NTRK3: variants seen among roughly 807,000 people sequenced by gnomAD.
The protein encoded by NTRK3 is NT-3 growth factor receptor.
Under a neutral mutation model 91.7 loss-of-function variants are expected in NTRK3, and 24 were observed. The ratio of observed to expected loss-of-function variants is 0.26; its 90% CI spans 0.19 to 0.37. NTRK3 has a LOEUF of 0.37. Among genes scored for constraint, NTRK3 ranks in the 10% least tolerant of loss-of-function variants. The pLI, the probability that NTRK3 is intolerant of heterozygous loss-of-function variation, is 1.00. For missense variants in NTRK3, 880 were observed against 1,068.9 expected (o/e 0.82, Z 2.46); for synonymous variants, 483 against 404.0 (o/e 1.20, Z -2.34).
chr15:88,100,305 G>A lies in NTRK3; in HGVS notation c.1396+25966C>T, dbSNP rs564871952. The stretch of plus-strand genomic sequence containing the variant: ...ATTACAAGTGTGTTATAACCAAACA[G>A]CCAAAAGGACTGATCCTCCCAACAC... On this transcript the variant is annotated intron_variant, in intron 13 of 18. Coordinates refer to ENST00000394480, the Ensembl canonical transcript of NTRK3. Among the ~76,000 whole-genome samples, 10 of 152,300 alleles carry A rather than the reference G, an allele frequency of 6.6e-5. No individual in the cohort carries two copies. In the East Asian group the frequency reaches 1.9e-3, roughly 29 times the overall value.
At chr15:88,167,520 G>A (rs2045091905) in intron 5 of NTRK3, among the ~76,000 whole-genome samples, 1 of 152,246 alleles carries the variant, frequency 6.6e-6, no homozygotes, top group Non-Finnish European at 1.5e-5. Context: ...AAACAGGGAT[G>A]ATGGTAATTG....
At position 87,937,821 on chromosome 15, in the gene NTRK3, C is replaced by A. The variant is rs77027043; in HGVS notation, c.1716+2802G>T. Among the ~76,000 whole-genome samples, 1,357 of 152,088 alleles carry A rather than the reference C, an allele frequency of 8.9e-3. 23 individuals carry two copies. Among genetic ancestry groups the A allele is most frequent in the African/African-American group, 0.031 (1,295 of 41,490 alleles). On this transcript the variant is annotated intron_variant, in intron 15 of 18. Coordinates refer to ENST00000394480, the Ensembl canonical transcript of NTRK3. The stretch of plus-strand genomic sequence containing the variant: ...ACAAAATTAAGAACCGATTAGATAT[C>A]TTGGAAATAAAAGATATGGTCTTTG...
chr15:88,231,483 A>T (rs1295083135), intron 3 of NTRK3, among the ~76,000 whole-genome samples: 2 of 152,164 alleles, frequency 1.3e-5, no homozygotes, highest in East Asian at 3.9e-4. Flanking sequence ...ACACACACAC[A>T]CACACACAAA....
chr15:87,986,958 G>A (rs2074860806), intron 14 of NTRK3, among the ~76,000 whole-genome samples: 1 of 152,242 alleles, frequency 6.6e-6, no homozygotes, highest in African/African-American at 2.4e-5. Context: ...AAATAGGCAA[G>A]AGCCAGATTT....
In NTRK3 at chr15:88,193,702, G is replaced by A. The variant is rs62019296; in HGVS notation, c.249-9403C>T. ...AGCTTCCCATGTGGACTTTCTACCC[G>A]GCCTCAACCTTTCCCACCTTCTCAG... On this transcript the variant is annotated intron_variant, in intron 3 of 18. Coordinates refer to ENST00000394480, the Ensembl canonical transcript of NTRK3. 9.3e-3 allele frequency among the ~76,000 whole-genome samples: 1,416 copies of A among 152,070 alleles called. 16 individuals are homozygous for A. The highest frequency in any genetic ancestry group is 0.022 in the South Asian group (105 of 4,796).
chr15:88,079,938 TG>T (rs1194783238), intron 13 of NTRK3, among the ~76,000 whole-genome samples: 5 of 152,248 alleles, frequency 3.3e-5, no homozygotes, highest in Admixed American at 2.6e-4. Context: ...ATGGATTTTT[TG>T]TTGTCAATAT....
At chr15:87,951,884 T>C (rs1287385133) in intron 14 of NTRK3, among the ~76,000 whole-genome samples, 2 of 152,148 alleles carry the variant, frequency 1.3e-5, no homozygotes, top group Non-Finnish European at 2.9e-5. Context: ...CCCAGCACTT[T>C]GGGAGGCTGA....
intron 17 of NTRK3, among the ~76,000 whole-genome samples, chr15:87,884,627 A>G (rs2065433316): frequency 6.6e-6 from 1 of 151,752 alleles, no homozygotes; most frequent in South Asian, 2.1e-4. Flanking sequence ...AATCAGCACT[A>G]TATTACAAGA....
chr15:88,068,129 C>G (rs1019494105), intron 13 of NTRK3, among the ~76,000 whole-genome samples: 11 of 152,094 alleles, frequency 7.2e-5, no homozygotes, highest in African/African-American at 2.7e-4. Flanking sequence ...GGTGAGGATA[C>G]AGAACACTAT....
intron 5 of NTRK3, among the ~76,000 whole-genome samples, chr15:88,173,296 G>A (rs1159470227): frequency 3.9e-5 from 6 of 152,138 alleles, no homozygotes; most frequent in Admixed American, 3.9e-4. Flanking sequence ...ACAGAGCCTT[G>A]GAGCTTATCT....
intron 13 of NTRK3, among the ~76,000 whole-genome samples, chr15:88,110,919 G>C (rs1032483198): frequency 2.6e-5 from 4 of 152,182 alleles, no homozygotes; most frequent in African/African-American, 9.7e-5. Context: ...TGTGGGAGGA[G>C]CCCAGATGGA....
At chr15:87,966,542 G>A (rs375827226) in intron 14 of NTRK3, among the ~76,000 whole-genome samples, 27 of 152,016 alleles carry the variant, frequency 1.8e-4, no homozygotes, top group African/African-American at 5.3e-4. Context: ...TCCTCTAACC[G>A]TCCCACCCTG....
At chr15:87,940,821 A>G (rs2142021878) in intron 14 of NTRK3, 68 bp from the exon 15 acceptor site, 1 of 1,609,930 alleles carries the variant, frequency 6.2e-7, no homozygotes, top group African/African-American at 1.3e-5. Context: ...GAGACAGAAG[A>G]GTACAGAGGT....
chr15:88,065,414 C>A (rs988647672), intron 13 of NTRK3, among the ~76,000 whole-genome samples: 3 of 152,138 alleles, frequency 2.0e-5, no homozygotes, highest in Non-Finnish European at 4.4e-5. Context: ...GGTCCCTGTC[C>A]CCAAATCAGG....
intron 13 of NTRK3, among the ~76,000 whole-genome samples, chr15:88,091,170 T>C (rs940166581): frequency 9.2e-5 from 14 of 152,144 alleles, no homozygotes; most frequent in Non-Finnish European, 1.5e-4. Context: ...AGCTTATCTT[T>C]ACTGATGAAA....
At chr15:87,860,478 AT>A (rs5814309) in exon 19 of NTRK3, 102,058 of 190,182 alleles carry the variant, frequency 0.54, 24,689 homozygotes, top group Non-Finnish European at 0.62. Context: ...TCAAGTTAGA[AT>A]TTTTTTTTTT....
chr15:88,132,905 T>G (rs2041504802), intron 10 of NTRK3, among the ~76,000 whole-genome samples: 1 of 151,988 alleles, frequency 6.6e-6, no homozygotes, highest in South Asian at 2.1e-4. Flanking sequence ...TCAGGTGAGG[T>G]GCTTTCTCTT....
intron 17 of NTRK3, among the ~76,000 whole-genome samples, chr15:87,886,699 T>C (rs8027698): frequency 0.035 from 4,878 of 138,472 alleles, 414 homozygotes; most frequent in African/African-American, 0.12. Flanking sequence ...TATATATATA[T>C]ACATATATAC....
At chr15:87,951,665 C>A (rs375611528) in intron 14 of NTRK3, among the ~76,000 whole-genome samples, 4 of 152,198 alleles carry the variant, frequency 2.6e-5, no homozygotes, top group Non-Finnish European at 4.4e-5. Context: ...ACTTGGGAGG[C>A]CTTTCTGTGG....
Sources: allele counts gnomAD v4.1 joint callset (sites outside exome capture counted in the v4.1 genomes callset), GRCh38; gene constraint gnomAD v4.1.1; transcripts MANE v1.5; gene names NCBI Gene and HGNC (gene_info 2026-07-23, HGNC 2026-07-21).